LOC128462377: variants seen among roughly 807,000 people sequenced by gnomAD.
the LOC128462377 span, among the ~76,000 whole-genome samples, chr16:89,394,686 G>A: frequency 4.6e-5 from 7 of 151,344 alleles, no homozygotes; most frequent in Admixed American, 2.0e-4. Flanking sequence ...TCCACTCCTC[G>A]TCTCAATAAA....
the LOC128462377 span, among the ~76,000 whole-genome samples, chr16:89,402,994 A>T: frequency 6.6e-6 from 1 of 152,182 alleles, no homozygotes; most frequent in Non-Finnish European, 1.5e-5. Flanking sequence ...GAGCAAGGCC[A>T]GTCACCTCAG....
chr16:89,413,890 G>T, the LOC128462377 span, among the ~76,000 whole-genome samples: 1 of 152,116 alleles, frequency 6.6e-6, no homozygotes, highest in South Asian at 2.1e-4. Flanking sequence ...GAGGCAGGAG[G>T]GTGGTACCAA....
chr16:89,397,316 C>T, the LOC128462377 span, among the ~76,000 whole-genome samples: 1 of 152,198 alleles, frequency 6.6e-6, no homozygotes, highest in African/African-American at 2.4e-5. Flanking sequence ...CTCACAAGTC[C>T]AACTCCACGG....
At chr16:89,381,390 G>C in the LOC128462377 span, among the ~76,000 whole-genome samples, 2 of 143,178 alleles carry the variant, frequency 1.4e-5, no homozygotes. Context: ...CAGACTATTA[G>C]AAGCAAGACA....
the LOC128462377 span, among the ~76,000 whole-genome samples, chr16:89,392,138 T>C: frequency 2.0e-5 from 3 of 152,198 alleles, no homozygotes; most frequent in South Asian, 2.1e-4. Context: ...GACACAGCAG[T>C]TGGTATAAAA....
the LOC128462377 span, chr16:89,373,579 C>G: frequency 6.6e-6 from 1 of 152,236 alleles, no homozygotes; most frequent in South Asian, 2.1e-4. Flanking sequence ...ACCAGCGATT[C>G]GAGAGAAAAC....
the LOC128462377 span, among the ~76,000 whole-genome samples, chr16:89,330,479 T>A: frequency 6.6e-6 from 1 of 151,932 alleles, no homozygotes. Context: ...TGCGGATGTG[T>A]GGACATGTCC....
chr16:89,338,274 C>T, the LOC128462377 span, among the ~76,000 whole-genome samples: 1 of 152,086 alleles, frequency 6.6e-6, no homozygotes, highest in Non-Finnish European at 1.5e-5. Flanking sequence ...CTGTGTCCTC[C>T]AGGATGTGGG....
chr16:89,388,567 C>T, the LOC128462377 span, among the ~76,000 whole-genome samples: 1 of 152,106 alleles, frequency 6.6e-6, no homozygotes, highest in African/African-American at 2.4e-5. Flanking sequence ...CTGAATGCTG[C>T]ATGTGTGTCT....
the LOC128462377 span, among the ~76,000 whole-genome samples, chr16:89,402,655 G>A: frequency 6.6e-6 from 1 of 150,534 alleles, no homozygotes; most frequent in Non-Finnish European, 1.5e-5. Context: ...CAGCACTGCA[G>A]GGTGAGGTGA....
the LOC128462377 span, among the ~76,000 whole-genome samples, chr16:89,384,797 A>G: frequency 2.0e-5 from 3 of 151,458 alleles, no homozygotes; most frequent in African/African-American, 7.3e-5. Flanking sequence ...CCCACTAGAC[A>G]GCCCAACAAC....
the LOC128462377 span, among the ~76,000 whole-genome samples, chr16:89,373,889 G>A: frequency 6.6e-6 from 1 of 152,138 alleles, no homozygotes; most frequent in Admixed American, 6.5e-5. Flanking sequence ...ACAGAGGTGG[G>A]GCCTGAGTCT....
At chr16:89,364,610 T>C in the LOC128462377 span, among the ~76,000 whole-genome samples, 4 of 152,210 alleles carry the variant, frequency 2.6e-5, no homozygotes, top group East Asian at 5.8e-4. Context: ...GAAGAAGAAC[T>C]GGCTTGGGCC....
the LOC128462377 span, among the ~76,000 whole-genome samples, chr16:89,342,269 C>G: frequency 1.4e-4 from 22 of 152,376 alleles, no homozygotes; most frequent in East Asian, 3.9e-3. Flanking sequence ...ACATCAAGAG[C>G]TGCTGGTGAA....
At chr16:89,360,699 C>G in the LOC128462377 span, 1 of 152,174 alleles carries the variant, frequency 6.6e-6, no homozygotes, top group Non-Finnish European at 1.5e-5. Flanking sequence ...ATCTGTCATA[C>G]GTGGACTCCC....
chr16:89,357,440 T>C, the LOC128462377 span, among the ~76,000 whole-genome samples: 1 of 151,310 alleles, frequency 6.6e-6, no homozygotes, highest in Non-Finnish European at 1.5e-5. Context: ...ATGGTGCAAC[T>C]GCCAAAAAAA....
chr16:89,378,180 T>A, the LOC128462377 span, among the ~76,000 whole-genome samples: 14 of 152,182 alleles, frequency 9.2e-5, no homozygotes, highest in Admixed American at 2.0e-4. Flanking sequence ...CAAGCGAGAC[T>A]CTGTCTCTTT....
the LOC128462377 span, among the ~76,000 whole-genome samples, chr16:89,406,514 C>T: frequency 6.6e-6 from 1 of 152,160 alleles, no homozygotes; most frequent in African/African-American, 2.4e-5. Flanking sequence ...TGGCCATGCC[C>T]GGTGTCAGCA....
chr16:89,406,035 C>T, the LOC128462377 span, among the ~76,000 whole-genome samples: 3 of 148,618 alleles, frequency 2.0e-5, no homozygotes, highest in Admixed American at 6.8e-5. Flanking sequence ...ACCTGAACCC[C>T]GAAGGCAGAG....
Sources: allele counts gnomAD v4.1 joint callset (sites outside exome capture counted in the v4.1 genomes callset), GRCh38; gene constraint gnomAD v4.1.1; transcripts MANE v1.5.